The following ZNF680 variants were observed in gnomAD, a reference collection of about 807,000 sequenced individuals.
ZNF680 encodes the protein zinc finger protein 680.
ZNF680 carries 6 observed loss-of-function variants against 12.1 expected under a neutral mutation model. The ratio of observed to expected loss-of-function variants is 0.49; its 90% CI spans 0.27 to 0.98. ZNF680 has a LOEUF of 0.98. Ranked by LOEUF, ZNF680 falls within the 50% of genes least tolerant of loss-of-function variation. ZNF680 has a pLI of 0.12. For missense variants in ZNF680, 561 were observed against 616.3 expected (o/e 0.91, Z 0.95); for synonymous variants, 170 against 199.3 (o/e 0.85, Z 1.24).
rs534074905 is a variant in ZNF680, at chr7:64,546,934, A to G, written c.31-2502T>C. Among the ~76,000 whole-genome samples, 79 of 152,236 alleles carry G rather than the reference A, an allele frequency of 5.2e-4. 2 individuals carry two copies. Among genetic ancestry groups the G allele is most frequent in the Non-Finnish European group, 1.8e-4 (12 of 68,032 alleles). On this transcript the variant is annotated intron_variant, in intron 1 of 3. Coordinates refer to ENST00000309683, the MANE Select transcript of ZNF680 (RefSeq NM_178558.5). ...CTCATGAATGTATCCTGAACCCCTC[A>G]TACTTGACTCTGTCCTCATTTTGAG...
At chr7:64,560,928 T>C (rs982042006) in intron 1 of ZNF680, 3 of 152,214 alleles carry the variant, frequency 2.0e-5, no homozygotes, top group Admixed American at 1.3e-4. Context: ...TAGATATTAA[T>C]TTTTTTCTGA....
chr7:64,527,413 G>A (rs1459548939), intron 3 of ZNF680, among the ~76,000 whole-genome samples: 2 of 151,592 alleles, frequency 1.3e-5, no homozygotes, highest in Non-Finnish European at 2.9e-5. Context: ...ATAAAAAAAG[G>A]TGCTGGGCAC....
At chr7:64,558,941 G>A (rs1311417638) in intron 1 of ZNF680, among the ~76,000 whole-genome samples, 2 of 151,904 alleles carry the variant, frequency 1.3e-5, no homozygotes, top group Non-Finnish European at 2.9e-5. Context: ...CAAGTGGGAG[G>A]GGAAGAAAAA....
At chr7:64,507,840 C>T in the ZNF680 span, among the ~76,000 whole-genome samples, 1 of 22,656 alleles carries the variant, frequency 4.4e-5, no homozygotes, top group African/African-American at 1.9e-4. Flanking sequence ...CACACACACA[C>T]ACACACACAC....
the ZNF680 span, among the ~76,000 whole-genome samples, chr7:64,502,008 T>C: frequency 0.24 from 33,174 of 136,076 alleles, 4,254 homozygotes; most frequent in South Asian, 0.32. Context: ...TTTTTTTTTT[T>C]TTTTTTTTTT....
chr7:64,527,156 T>C (rs922611078), intron 3 of ZNF680, among the ~76,000 whole-genome samples: 2 of 152,108 alleles, frequency 1.3e-5, no homozygotes, highest in Non-Finnish European at 2.9e-5. Context: ...GAGAATCACT[T>C]GAACCCAGGA....
At chr7:64,550,183 T>C (rs1320135422) in intron 1 of ZNF680, among the ~76,000 whole-genome samples, 1 of 152,230 alleles carries the variant, frequency 6.6e-6, no homozygotes, top group Non-Finnish European at 1.5e-5. Flanking sequence ...TGTTAGAAAT[T>C]CTTATTTATT....
At chr7:64,500,573 T>C in the ZNF680 span, among the ~76,000 whole-genome samples, 1 of 152,154 alleles carries the variant, frequency 6.6e-6, no homozygotes, top group Non-Finnish European at 1.5e-5. Flanking sequence ...ATGTAGAGTA[T>C]AAAAAGGTTT....
chr7:64,558,441 C>T (rs1178073325), intron 1 of ZNF680, among the ~76,000 whole-genome samples: 1 of 152,008 alleles, frequency 6.6e-6, no homozygotes, highest in East Asian at 1.9e-4. Context: ...GTTTTCAGTC[C>T]TCTCTCACCC....
chr7:64,527,796 G>A (rs924565251), intron 3 of ZNF680, among the ~76,000 whole-genome samples: 1 of 152,188 alleles, frequency 6.6e-6, no homozygotes, highest in Non-Finnish European at 1.5e-5. Flanking sequence ...CATGGTGGAT[G>A]GGAGGCAGGA....
At chr7:64,509,303 T>C in the ZNF680 span, among the ~76,000 whole-genome samples, 1 of 152,162 alleles carries the variant, frequency 6.6e-6, no homozygotes, top group Non-Finnish European at 1.5e-5. Flanking sequence ...TTTTCCCTTT[T>C]ATGTCTATCA....
chr7:64,526,521 C>A (rs1288810129), intron 3 of ZNF680: 2 of 610,944 alleles, frequency 3.3e-6, no homozygotes, highest in East Asian at 3.2e-5. Context: ...TAAGACTCTG[C>A]ATATAAACAA....
the ZNF680 span, among the ~76,000 whole-genome samples, chr7:64,500,316 A>C: frequency 6.6e-6 from 1 of 152,210 alleles, no homozygotes; most frequent in Non-Finnish European, 1.5e-5. Flanking sequence ...AGGAAAAAAG[A>C]TATAAAAACA....
At chr7:64,534,083 AC>A (rs1786030656) in intron 3 of ZNF680, among the ~76,000 whole-genome samples, 2 of 152,164 alleles carry the variant, frequency 1.3e-5, no homozygotes, top group South Asian at 4.1e-4. Flanking sequence ...CATTGGAAAA[AC>A]CCTTCTAAAC....
At chr7:64,550,737 A>G (rs1486818349) in intron 1 of ZNF680, among the ~76,000 whole-genome samples, 1 of 152,204 alleles carries the variant, frequency 6.6e-6, no homozygotes, top group East Asian at 1.9e-4. Context: ...ACTACAGATT[A>G]TCAAACAAGC....
At chr7:64,545,816 G>A (rs1786758089) in intron 1 of ZNF680, among the ~76,000 whole-genome samples, 1 of 152,104 alleles carries the variant, frequency 6.6e-6, no homozygotes, top group Non-Finnish European at 1.5e-5. Context: ...AGAGCTAATA[G>A]AGAACACAGA....
At chr7:64,548,045 C>G (rs1786875118) in intron 1 of ZNF680, among the ~76,000 whole-genome samples, 1 of 152,014 alleles carries the variant, frequency 6.6e-6, no homozygotes, top group African/African-American at 2.4e-5. Flanking sequence ...GGGAGTGGAC[C>G]CTATGTAGAA....
chr7:64,507,480 T>C, the ZNF680 span, among the ~76,000 whole-genome samples: 1 of 152,024 alleles, frequency 6.6e-6, no homozygotes, highest in East Asian at 1.9e-4. Context: ...GATAGGTAAG[T>C]GAGTTGATAT....
At chr7:64,542,146 T>C (rs764475539) in intron 3 of ZNF680, among the ~76,000 whole-genome samples, 12 of 152,122 alleles carry the variant, frequency 7.9e-5, no homozygotes, top group Admixed American at 2.0e-4. Flanking sequence ...AGGTGAGCCC[T>C]AGTGCAGACC....
Sources: gnomAD v4.1 joint callset for allele counts (sites outside exome capture counted in the v4.1 genomes callset) on GRCh38, gnomAD v4.1.1 for gene constraint, MANE v1.5 for transcripts, NCBI Gene and HGNC (gene_info 2026-07-23, HGNC 2026-07-21) for gene names.